The following ICA1 variants were observed in gnomAD, a reference collection of about 807,000 sequenced individuals.
The protein encoded by ICA1 is 69 kDa islet cell autoantigen.
Under a neutral mutation model 71.0 loss-of-function variants are expected in ICA1, and 40 were observed. That is an observed-to-expected ratio of 0.56 (90% CI 0.44 to 0.73). The LOEUF (loss-of-function observed/expected upper bound fraction) is 0.73. ICA1 is among the 30% of genes least tolerant of loss of function. The probability of loss-of-function intolerance (pLI) is 0.00; values close to 1 mark genes in which losing one functional copy is unlikely to be tolerated. For synonymous variants in ICA1, 207 were observed against 209.5 expected (o/e 0.99, Z 0.10); for missense variants, 578 against 576.5 (o/e 1.00, Z -0.03).
chr7:8,170,231 G>A (rs1285197829), intron 6 of ICA1, among the ~76,000 whole-genome samples: 2 of 151,966 alleles, frequency 1.3e-5, no homozygotes, highest in Non-Finnish European at 2.9e-5. Context: ...ATACCACACT[G>A]TCTCGATTAC....
chr7:8,139,134 G>T, intron 10 of ICA1, 87 bp from the exon 11 acceptor site: 2 of 1,034,730 alleles, frequency 1.9e-6, no homozygotes, highest in Non-Finnish European at 3.0e-6. Flanking sequence ...TAAATGCACG[G>T]CTTCAGGAAG....
intron 6 of ICA1, among the ~76,000 whole-genome samples, chr7:8,197,259 T>TA (rs1249014465): frequency 6.6e-6 from 1 of 150,952 alleles, no homozygotes; most frequent in Non-Finnish European, 1.5e-5. Flanking sequence ...CCAACCACAT[T>TA]AAAAAAAAGA....
chr7:8,176,570 T>G (rs989760791), intron 6 of ICA1, among the ~76,000 whole-genome samples: 1 of 152,206 alleles, frequency 6.6e-6, no homozygotes, highest in Non-Finnish European at 1.5e-5. Flanking sequence ...GCTTTGTGCC[T>G]CGTGGGCAGC....
intron 8 of ICA1, among the ~76,000 whole-genome samples, chr7:8,155,041 A>G (rs974699978): frequency 4.6e-5 from 7 of 152,198 alleles, no homozygotes; most frequent in Non-Finnish European, 8.8e-5. Context: ...TCAGCTTGAG[A>G]TTCTAATGTG....
At chr7:8,241,728 A>G (rs969608526) in intron 1 of ICA1, among the ~76,000 whole-genome samples, 6 of 152,210 alleles carry the variant, frequency 3.9e-5, no homozygotes, top group Non-Finnish European at 7.3e-5. Context: ...ACATCTACCA[A>G]ACAAATGGAA....
intron 6 of ICA1, among the ~76,000 whole-genome samples, chr7:8,172,459 G>A (rs1808723022): frequency 6.6e-6 from 1 of 152,002 alleles, no homozygotes; most frequent in African/African-American, 2.4e-5. Context: ...GAATAAATCT[G>A]TTTCTTTACA....
rs1033234746 is a variant in ICA1, at chr7:8,144,165, C to G, written c.805-193G>C. ...AGAAATAAAATTTTATATGGTGAAG[C>G]AACAATGTTCTCAGACACATCCGAG... On this transcript the variant is annotated intron_variant, in intron 8 of 13. Transcript: ENST00000402384. This position sits in a 1 kb window ranked among gnomAD's most constrained non-coding sequence, Gnocchi z 4.5. Among the ~76,000 whole-genome samples, 1 of 152,070 alleles carries G rather than the reference C, an allele frequency of 6.6e-6. No individual in the cohort carries two copies. Among genetic ancestry groups the G allele is most frequent in the Admixed American group, 6.6e-5 (1 of 15,258 alleles).
At chr7:8,150,999 A>G (rs893611757) in intron 8 of ICA1, among the ~76,000 whole-genome samples, 1 of 152,256 alleles carries the variant, frequency 6.6e-6, no homozygotes, top group African/African-American at 2.4e-5. Context: ...AAACACGGAA[A>G]GAAGAACAAG....
intron 12 of ICA1, among the ~76,000 whole-genome samples, chr7:8,129,143 C>G (rs899648529): frequency 4.6e-5 from 7 of 152,124 alleles, no homozygotes; most frequent in African/African-American, 1.7e-4. Flanking sequence ...GGGTTTATTA[C>G]TTATTTTGAG....
chr7:8,256,243 G>A (rs1340617917), intron 1 of ICA1, among the ~76,000 whole-genome samples: 1 of 152,154 alleles, frequency 6.6e-6, no homozygotes, highest in Non-Finnish European at 1.5e-5. Context: ...ATCACTATAT[G>A]ATGCAAATCA....
At chr7:8,129,825 G>T (rs1210818117) in intron 12 of ICA1, among the ~76,000 whole-genome samples, 1 of 151,610 alleles carries the variant, frequency 6.6e-6, no homozygotes, top group Non-Finnish European at 1.5e-5. Flanking sequence ...TTAACATTAG[G>T]TATATCTCCT....
intron 6 of ICA1, among the ~76,000 whole-genome samples, chr7:8,171,723 C>T (rs891065032): frequency 5.9e-5 from 9 of 151,614 alleles, no homozygotes; most frequent in Admixed American, 1.3e-4. Flanking sequence ...TTGAGAACTT[C>T]CTTATTTTCT....
intron 1 of ICA1, among the ~76,000 whole-genome samples, chr7:8,244,260 T>C (rs930529383): frequency 3.9e-5 from 6 of 152,170 alleles, no homozygotes; most frequent in African/African-American, 1.4e-4. Context: ...ACCACACATC[T>C]ACAGCTATCT....
intron 6 of ICA1, among the ~76,000 whole-genome samples, chr7:8,161,457 T>C (rs1187339359): frequency 1.3e-5 from 2 of 152,196 alleles, no homozygotes; most frequent in Non-Finnish European, 2.9e-5. Flanking sequence ...GCCCTGTAAC[T>C]CTGTAGTGTT....
At chr7:8,259,988 T>C (rs567479640) in intron 1 of ICA1, among the ~76,000 whole-genome samples, 15 of 152,218 alleles carry the variant, frequency 9.9e-5, no homozygotes, top group African/African-American at 3.4e-4. Context: ...AATCTAGTAA[T>C]GCAGATGGAA....
At chr7:8,236,926 C>G (rs1802020847) in intron 1 of ICA1, 1 of 152,262 alleles carries the variant, frequency 6.6e-6, no homozygotes, top group Non-Finnish European at 1.5e-5. Context: ...CAGACTGCTT[C>G]ACAAAATCAA....
chr7:8,140,262 C>T (rs1282351057), intron 10 of ICA1, among the ~76,000 whole-genome samples: 3 of 152,122 alleles, frequency 2.0e-5, no homozygotes, highest in Non-Finnish European at 4.4e-5. Context: ...AGACAGAGAG[C>T]TCTTCTGTGG....
In ICA1 at chr7:8,239,040, T is replaced by C. The variant is rs146172725; in HGVS notation, c.-79-3035A>G. Among the ~76,000 whole-genome samples the C allele has an allele frequency of 2.0e-3, 310 of 152,334 alleles. 2 individuals are homozygous for C. Among genetic ancestry groups the C allele is most frequent in the African/African-American group, 7.3e-3 (302 of 41,580 alleles). On this transcript the variant is annotated intron_variant, in intron 1 of 13. Coordinates refer to ENST00000402384, the MANE Select transcript of ICA1 (RefSeq NM_001136020.3). ...GGAAATTGGTCTTTCTTGAACAAACTACTGGATCATAGGCACAGGAGCAAA... is the reference window on the plus strand; with the variant it reads ...GGAAATTGGTCTTTCTTGAACAAACCACTGGATCATAGGCACAGGAGCAAA...
intron 6 of ICA1, among the ~76,000 whole-genome samples, chr7:8,188,837 A>G (rs548143647): frequency 2.6e-5 from 4 of 152,246 alleles, no homozygotes; most frequent in Admixed American, 1.3e-4. Flanking sequence ...AATCAAGACT[A>G]TGGTTTGGTG....
Sources: gnomAD v4.1 joint callset for allele counts (sites outside exome capture counted in the v4.1 genomes callset) on GRCh38, gnomAD v4.1.1 for gene constraint, Gnocchi (gnomAD v3.1) non-coding constraint, MANE v1.5 for transcripts, NCBI Gene and HGNC (gene_info 2026-07-23, HGNC 2026-07-21) for gene names.